SCFD2: variants seen among roughly 807,000 people sequenced by gnomAD.
The protein encoded by SCFD2 is sec1 family domain containing 2, also known as sec1 family domain-containing protein 2.
Under a neutral mutation model 58.9 loss-of-function variants are expected in SCFD2, and 54 were observed. That is an observed-to-expected ratio of 0.92 (90% CI 0.74 to 1.15). The LOEUF is 1.15. Ranked by LOEUF, SCFD2 falls within the 50% of genes most tolerant of loss-of-function variation. SCFD2 has a pLI of 0.00. For synonymous variants in SCFD2, 321 were observed against 335.9 expected (o/e 0.96, Z 0.49); for missense variants, 805 against 836.6 (o/e 0.96, Z 0.47).
At chr4:53,257,422 G>A (rs1034548857) in intron 4 of SCFD2, among the ~76,000 whole-genome samples, 5 of 152,152 alleles carry the variant, frequency 3.3e-5, no homozygotes, top group South Asian at 2.1e-4. Context: ...TAGTCAGGGC[G>A]CCTCCTAAGC....
intron 5 of SCFD2, among the ~76,000 whole-genome samples, chr4:52,992,777 C>A (rs6845126): frequency 0.46 from 69,230 of 151,558 alleles, 16,082 homozygotes; most frequent in African/African-American, 0.49. Context: ...GAAGTGAAGC[C>A]CCCCCTCCGC....
intron 4 of SCFD2, among the ~76,000 whole-genome samples, chr4:53,206,403 C>G (rs1456776547): frequency 1.3e-5 from 2 of 152,052 alleles, no homozygotes; most frequent in African/African-American, 4.8e-5. Context: ...CATTAAAGGA[C>G]CTCTCAGAGA....
intron 4 of SCFD2, among the ~76,000 whole-genome samples, chr4:53,160,782 T>G (rs779387390): frequency 3.3e-5 from 5 of 152,180 alleles, no homozygotes; most frequent in Admixed American, 6.5e-5. Context: ...AAGGTTAATC[T>G]CAAAGTATCA....
chr4:53,080,693 A>G (rs1299730935), intron 5 of SCFD2, among the ~76,000 whole-genome samples: 12 of 152,162 alleles, frequency 7.9e-5, no homozygotes, highest in African/African-American at 2.9e-4. Flanking sequence ...GGAAATCTTC[A>G]TTTAACCCCT....
At chr4:53,214,263 A>G (rs1189930264) in intron 4 of SCFD2, among the ~76,000 whole-genome samples, 2 of 152,042 alleles carry the variant, frequency 1.3e-5, no homozygotes, top group East Asian at 1.9e-4. Flanking sequence ...CTAGTTTACA[A>G]TCCCACCAAC....
intron 4 of SCFD2, among the ~76,000 whole-genome samples, chr4:53,162,725 G>C (rs896890384): frequency 1.3e-5 from 2 of 151,818 alleles, no homozygotes; most frequent in African/African-American, 4.8e-5. Flanking sequence ...GGGAGGGATA[G>C]CATTAGGAGA....
intron 4 of SCFD2, among the ~76,000 whole-genome samples, chr4:53,166,273 T>A (rs569309088): frequency 1.2e-4 from 19 of 152,382 alleles, no homozygotes; most frequent in Non-Finnish European, 2.8e-4. Context: ...TAGAGATGTA[T>A]CTGTATATCT....
chr4:53,271,359 C>G, intron 4 of SCFD2, among the ~76,000 whole-genome samples: 1 of 149,094 alleles, frequency 6.7e-6, no homozygotes, highest in East Asian at 1.9e-4. Context: ...CCTAACTAAA[C>G]ATCAGTATAG....
chr4:52,877,038 C>T (rs1718490955), intron 8 of SCFD2, among the ~76,000 whole-genome samples: 1 of 152,162 alleles, frequency 6.6e-6, no homozygotes, highest in African/African-American at 2.4e-5. Context: ...CCCATGGGTG[C>T]TAAGTCTTCT....
intron 4 of SCFD2, among the ~76,000 whole-genome samples, chr4:53,183,056 C>A (rs1328743074): frequency 1.3e-5 from 2 of 152,030 alleles, no homozygotes; most frequent in African/African-American, 2.4e-5. Flanking sequence ...TGTTGGTGAG[C>A]CTGTAAACTA....
chr4:53,143,664 C>A (rs1291757663), intron 5 of SCFD2, among the ~76,000 whole-genome samples: 3 of 152,132 alleles, frequency 2.0e-5, no homozygotes, highest in Non-Finnish European at 2.9e-5. Context: ...TACAGCTGCA[C>A]ATTCTGCTCC....
At chr4:53,345,804 G>T (rs1169344640) in intron 2 of SCFD2, among the ~76,000 whole-genome samples, 3 of 152,250 alleles carry the variant, frequency 2.0e-5, no homozygotes, top group Non-Finnish European at 4.4e-5. Context: ...TCAGGGACAT[G>T]GATAAAGCTG....
intron 2 of SCFD2, among the ~76,000 whole-genome samples, chr4:53,325,547 C>T (rs1733165804): frequency 6.6e-6 from 1 of 152,088 alleles, no homozygotes; most frequent in Admixed American, 6.5e-5. Flanking sequence ...TGCAAATGGT[C>T]TGAATAAGTA....
At chr4:53,240,057 C>A (rs1003373472) in intron 4 of SCFD2, among the ~76,000 whole-genome samples, 2 of 152,190 alleles carry the variant, frequency 1.3e-5, no homozygotes, top group African/African-American at 4.8e-5. Flanking sequence ...ATGAAAGGTG[C>A]TACAATGGGT....
At chr4:53,115,053 C>T (rs139437875) in intron 5 of SCFD2, among the ~76,000 whole-genome samples, 25 of 151,936 alleles carry the variant, frequency 1.6e-4, no homozygotes, top group African/African-American at 6.0e-4. Flanking sequence ...CCAAAGAACA[C>T]AGGAAAGGGA....
rs147667685 is a variant in SCFD2, at chr4:53,139,103, G to A, written c.1561+6230C>T. 3.8e-3 allele frequency among the ~76,000 whole-genome samples: 583 copies of A among 152,262 alleles called. 3 individuals are homozygous for A. The highest frequency in any genetic ancestry group is 0.013 in the African/African-American group (537 of 41,566). ...CTGGCCTGGTCTCCAGCTCCTGACC[G>A]CAAGTGATCTGCCAGCCTCGGCCTC... On this transcript the variant is annotated intron_variant, in intron 5 of 8. Coordinates refer to ENST00000401642, the MANE Select transcript of SCFD2 (RefSeq NM_152540.4).
intron 5 of SCFD2, among the ~76,000 whole-genome samples, chr4:52,924,491 A>C (rs1204466822): frequency 6.6e-6 from 1 of 152,178 alleles, no homozygotes; most frequent in Non-Finnish European, 1.5e-5. Flanking sequence ...TTGCTGAAAA[A>C]TAGTCGATTA....
At chr4:53,340,950 C>A (rs1382902638) in intron 2 of SCFD2, among the ~76,000 whole-genome samples, 1 of 152,110 alleles carries the variant, frequency 6.6e-6, no homozygotes, top group Non-Finnish European at 1.5e-5. Flanking sequence ...CACACCAAAA[C>A]CCCATTGTAC....
chr4:52,878,494 G>C (rs939000482), intron 8 of SCFD2, among the ~76,000 whole-genome samples: 2 of 152,120 alleles, frequency 1.3e-5, no homozygotes, highest in African/African-American at 2.4e-5. Flanking sequence ...TTGCATCTTA[G>C]GCATCTTTTG....
Sources: gnomAD v4.1 joint callset for allele counts (sites outside exome capture counted in the v4.1 genomes callset) on GRCh38, gnomAD v4.1.1 for gene constraint, MANE v1.5 for transcripts, NCBI Gene and HGNC (gene_info 2026-07-23, HGNC 2026-07-21) for gene names.